Variants in SORL1 observed in about 807,000 individuals in gnomAD.
SORL1 encodes sortilin related receptor 1.
In SORL1, 127 loss-of-function variants were observed where a neutral mutation model predicts 273.7. The ratio of observed to expected loss-of-function variants is 0.46; its 90% confidence interval spans 0.40 to 0.54. SORL1 has a LOEUF of 0.54. Among genes scored for constraint, SORL1 ranks in the 20% least tolerant of loss-of-function variants. The pLI is 0.00. For synonymous variants in SORL1, 1,031 were observed against 1,067.4 expected (o/e 0.97, Z 0.66); for missense variants, 2,494 against 2,846.1 (o/e 0.88, Z 2.81).
At chr11:121,458,344 A>T (rs2134765403) in intron 1 of SORL1, among the ~76,000 whole-genome samples, 1 of 152,358 alleles carries the variant, frequency 6.6e-6, no homozygotes, top group Admixed American at 6.5e-5. Flanking sequence ...GAGAGTTGAT[A>T]AAAATGTATT....
chr11:121,481,402 C>T (rs1367775520), intron 3 of SORL1, among the ~76,000 whole-genome samples: 32 of 111,242 alleles, frequency 2.9e-4, no homozygotes, highest in East Asian at 5.4e-4. Context: ...TAGGCAGGCT[C>T]CATCTCCTCC....
intron 3 of SORL1, 52 bp downstream of exon 3, chr11:121,478,295 A>G (rs773132205): frequency 1.2e-5 from 19 of 1,588,286 alleles, no homozygotes; most frequent in Admixed American, 1.8e-5. Context: ...TGGGTTTTGG[A>G]AAGATTGCCG....
At chr11:121,624,134 G>A (rs1379923757) in intron 45 of SORL1, among the ~76,000 whole-genome samples, 2 of 152,144 alleles carry the variant, frequency 1.3e-5, no homozygotes, top group African/African-American at 2.4e-5. Flanking sequence ...TCTCTCACCG[G>A]GTCCCTCCCA....
intron 18 of SORL1, among the ~76,000 whole-genome samples, chr11:121,556,159 G>A: frequency 6.6e-6 from 1 of 152,194 alleles, no homozygotes; most frequent in East Asian, 1.9e-4. Context: ...TTTGACAGGG[G>A]TTCTCTGCAT....
chr11:121,556,684 G>A (rs1469642597), intron 18 of SORL1, among the ~76,000 whole-genome samples: 1 of 152,196 alleles, frequency 6.6e-6, no homozygotes, highest in East Asian at 1.9e-4. Context: ...ATTGGTCCAG[G>A]TGGGTCAGAA....
chr11:121,547,261 C>T (rs1862440661), intron 14 of SORL1, among the ~76,000 whole-genome samples: 1 of 151,282 alleles, frequency 6.6e-6, no homozygotes, highest in Non-Finnish European at 1.5e-5. Flanking sequence ...TCTTCCTATC[C>T]CCAATATGTA....
chr11:121,524,398 C>T (rs186136465), intron 11 of SORL1, among the ~76,000 whole-genome samples: 8 of 152,374 alleles, frequency 5.3e-5, no homozygotes, highest in Admixed American at 2.6e-4. Context: ...CTGTCAGTGC[C>T]TCCCTCCACA....
chr11:121,460,504 T>C (rs940948641), intron 1 of SORL1, among the ~76,000 whole-genome samples: 1 of 151,712 alleles, frequency 6.6e-6, no homozygotes, highest in African/African-American at 2.4e-5. Context: ...CAGGCGATTC[T>C]TGTGCCTCAG....
intron 7 of SORL1, 119 bp from the exon 8 acceptor site, chr11:121,514,033 G>A (rs1861916066): frequency 2.6e-6 from 3 of 1,137,476 alleles, no homozygotes; most frequent in Non-Finnish European, 3.7e-6. Context: ...GCTTCCCGTG[G>A]GCTTTAGGCC....
At chr11:121,515,490 C>A (rs1223730063) in intron 8 of SORL1, among the ~76,000 whole-genome samples, 2 of 152,126 alleles carry the variant, frequency 1.3e-5, no homozygotes, top group African/African-American at 4.8e-5. Context: ...TGAGGCTGGA[C>A]TGCACTGGTG....
At chr11:121,454,385 C>T (rs1860867012) in intron 1 of SORL1, among the ~76,000 whole-genome samples, 2 of 152,168 alleles carry the variant, frequency 1.3e-5, no homozygotes, top group Non-Finnish European at 2.9e-5. Context: ...GTACATGTGC[C>T]ATTTCTTTCT....
chr11:121,568,148 A>G (rs759543378), intron 22 of SORL1, among the ~76,000 whole-genome samples: 1 of 152,182 alleles, frequency 6.6e-6, no homozygotes, highest in Non-Finnish European at 1.5e-5. Context: ...CTGCCTCCCA[A>G]GGAGCTGGGA....
At chr11:121,514,463 C>T (rs970958773) in intron 8 of SORL1, 142 bp downstream of exon 8, 15 of 776,816 alleles carry the variant, frequency 1.9e-5, no homozygotes, top group African/African-American at 8.8e-5. Flanking sequence ...GGCTCACGTG[C>T]GCAGAGATCA....
intron 24 of SORL1, among the ~76,000 whole-genome samples, chr11:121,575,570 C>T (rs1175277397): frequency 6.6e-6 from 1 of 152,256 alleles, no homozygotes; most frequent in Non-Finnish European, 1.5e-5. Context: ...GCAAGGGCAG[C>T]TTGTAAATCA....
chr11:121,523,051 A>G, intron 11 of SORL1, 62 bp downstream of exon 11: 1 of 1,141,002 alleles, frequency 8.8e-7, no homozygotes, highest in African/African-American at 1.5e-5. Flanking sequence ...GAGAATGTAG[A>G]CTGTGCCTTG....
Position 121,547,895 on chromosome 11 carries a change from A to G in SORL1, c.2052-2065A>G, listed in dbSNP as rs10450629. The stretch of plus-strand genomic sequence containing the variant: ...ATAGTATCTTTCCATTAGTTCAGGT[A>G]CTGGTTGACAACTGTGTTTGAACAC... On this transcript the variant is annotated intron_variant, in intron 14 of 47. Transcript: ENST00000260197. Among the ~76,000 whole-genome samples, 1,042 of 152,274 alleles carry G rather than the reference A, an allele frequency of 6.8e-3. 16 individuals carry two copies. The highest frequency in any genetic ancestry group is 0.024 in the African/African-American group (1,000 of 41,552).
At chr11:121,511,764 G>A (rs565027937) in intron 6 of SORL1, among the ~76,000 whole-genome samples, 2 of 152,258 alleles carry the variant, frequency 1.3e-5, no homozygotes, top group East Asian at 3.9e-4. Flanking sequence ...TTTATCAGCT[G>A]GGTCCTCACA....
intron 32 of SORL1, among the ~76,000 whole-genome samples, chr11:121,601,138 T>C (rs1410357469): frequency 4.8e-5 from 7 of 146,782 alleles, no homozygotes; most frequent in African/African-American, 7.5e-5. Flanking sequence ...TGAGTGAGAA[T>C]ATGTGGTGTT....
chr11:121,485,044 C>CA (rs1311987520), intron 3 of SORL1, among the ~76,000 whole-genome samples: 2 of 152,160 alleles, frequency 1.3e-5, no homozygotes, highest in African/African-American at 4.8e-5. Context: ...CATGAGCCAC[C>CA]CCGCCCGGCC....
Sources: gnomAD v4.1 joint callset for allele counts (sites outside exome capture counted in the v4.1 genomes callset) on GRCh38, gnomAD v4.1.1 for gene constraint, MANE v1.5 for transcripts, NCBI Gene and HGNC (gene_info 2026-07-23, HGNC 2026-07-21) for gene names.